ZBTB4: variants seen among roughly 807,000 people sequenced by gnomAD.
ZBTB4 encodes the protein zinc finger and BTB domain containing 4, also known as zinc finger and BTB domain-containing protein 4.
Under a neutral mutation model 59.8 loss-of-function variants are expected in ZBTB4, and 14 were observed. That is an observed-to-expected ratio of 0.23 (90% CI 0.15 to 0.37). The LOEUF (loss-of-function observed/expected upper bound fraction) is 0.37, where lower values mean the gene tolerates loss of function less well. ZBTB4 is among the 10% of genes least tolerant of loss of function. The pLI, the probability that ZBTB4 is intolerant of heterozygous loss-of-function variation, is 1.00. For synonymous variants in ZBTB4, 587 were observed against 575.2 expected (o/e 1.02, Z -0.29); for missense variants, 1,198 against 1,380.8 (o/e 0.87, Z 2.10).
rs376008197 is a variant in ZBTB4 at position 7,462,250 on chromosome 17, C to T, written c.2732G>A (p.Gly911Glu). 3.1e-6 allele frequency: 5 copies of T among 1,613,682 alleles called. No homozygotes were observed. The highest frequency in any genetic ancestry group is 2.5e-6 in the Non-Finnish European group (3 of 1,179,828). Residue 911 changes from glycine (G) to glutamate (E), a missense_variant, in exon 4 of 4, where the codon GGG becomes GAG. By Grantham distance (98) the Gly-to-Glu change is moderately conservative (BLOSUM62 -2). Coordinates refer to ENST00000380599, the MANE Select transcript of ZBTB4 (RefSeq NM_001128833.2). The surrounding 1 kb of genome is among the most constrained non-coding windows in gnomAD (Gnocchi z 7.5). ...AGEGDRMEGIGAAKVTFYPEP... is the reference protein window; with the variant it reads ...AGEGDRMEGIEAAKVTFYPEP... ...AGGGTAGAAAGTGACTTTGGCAGCC[C>T]CTATCCCCTCCATCCGGTCCCCCTC...
upstream of ZBTB4, chr17:7,483,027 G>A (rs775413735): frequency 1.2e-6 from 2 of 1,611,918 alleles, no homozygotes; most frequent in South Asian, 2.2e-5. Context: ...CCCGGGGGTT[G>A]GGAGGGACAG....
In ZBTB4 at chr17:7,462,639, G is replaced by A; in HGVS notation, c.2343C>T (p.Ser781=). The A allele has an allele frequency of 6.2e-7, 1 of 1,607,756 alleles. No individual in the cohort carries two copies. The highest frequency in any genetic ancestry group is 8.5e-7 in the Non-Finnish European group (1 of 1,177,826). Residue 781 remains serine (S), a synonymous_variant, in exon 4 of 4, where the codon AGC becomes AGT. Coordinates refer to ENST00000380599, the MANE Select transcript of ZBTB4 (RefSeq NM_001128833.2). This position sits in a 1 kb window ranked among gnomAD's most constrained non-coding sequence, Gnocchi z 7.5. ...CAGCAGCATGCCTCTGCCCGTGGCG[G>A]CTCAGGGCAGCTGCGGTCTTGCACA... The part of the protein sequence containing the change: ...AKVCKTAAAL[S]RHGQRHAAER...
chr17:7,463,236 C>T lies in ZBTB4; in HGVS notation c.1746G>A (p.Gly582=), dbSNP rs1481598604. 1 of 1,611,228 alleles carries T rather than the reference C, an allele frequency of 6.2e-7. No individual in the cohort carries two copies. Among genetic ancestry groups the T allele is most frequent in the East Asian group, 2.2e-5 (1 of 44,814 alleles). Residue 582 remains glycine, a synonymous_variant, in exon 4 of 4, where the codon GGG becomes GGA. Transcript: ENST00000380599. ...AKPVGGIGGG[G]GPPTGAGRGP... Reference sequence around the variant, plus strand: ...CCCGGCCAGCCCCTGTGGGGGGACCCCCACCTCCACCAATCCCGCCCACTG... The same window carrying T: ...CCCGGCCAGCCCCTGTGGGGGGACCTCCACCTCCACCAATCCCGCCCACTG...
intron 1 of ZBTB4, among the ~76,000 whole-genome samples, chr17:7,477,507 C>T (rs557221041): frequency 1.8e-4 from 28 of 152,314 alleles, no homozygotes; most frequent in Non-Finnish European, 3.2e-4. Context: ...CCTTCCCCCA[C>T]GTACACACAT....
chr17:7,465,269 C>T (rs754746016), intron 3 of ZBTB4, among the ~76,000 whole-genome samples: 4 of 151,220 alleles, frequency 2.6e-5, no homozygotes, highest in South Asian at 2.1e-4. Context: ...CCATCCTGAC[C>T]AACATGATGA....
upstream of ZBTB4, among the ~76,000 whole-genome samples, chr17:7,479,877 G>A (rs2070321949): frequency 6.6e-6 from 1 of 151,780 alleles, no homozygotes; most frequent in South Asian, 2.1e-4. Flanking sequence ...AGGGGCGCAA[G>A]ACCACCGACC....
At chr17:7,476,839 C>T (rs1036297176) in intron 1 of ZBTB4, among the ~76,000 whole-genome samples, 1 of 152,192 alleles carries the variant, frequency 6.6e-6, no homozygotes, top group Non-Finnish European at 1.5e-5. Flanking sequence ...TCTGCAGCAA[C>T]TGGGGAGAAG....
upstream of ZBTB4, chr17:7,481,278 T>G: frequency 1.4e-4 from 58 of 424,904 alleles, no homozygotes; most frequent in Non-Finnish European, 1.8e-4. Context: ...TGCAGTGAGA[T>G]GAGATCACAC....
At chr17:7,476,390 A>G (rs975273731) in intron 1 of ZBTB4, among the ~76,000 whole-genome samples, 2 of 152,186 alleles carry the variant, frequency 1.3e-5, no homozygotes, top group African/African-American at 4.8e-5. Flanking sequence ...GCAGATACCC[A>G]TAGTCCCAGC....
At chr17:7,481,310 A>T (rs975498750), upstream of ZBTB4, 3 of 760,502 alleles carry the variant, frequency 3.9e-6, no homozygotes, top group African/African-American at 1.8e-5. Flanking sequence ...AGCCTGGATA[A>T]CAAGAGTGGA....
rs1253637925 is a variant in ZBTB4 at position 7,466,182 on chromosome 17, G to A, written c.620C>T (p.Pro207Leu). 10 of 1,613,248 alleles carry A rather than the reference G, an allele frequency of 6.2e-6. No homozygotes were observed. Among genetic ancestry groups the A allele is most frequent in the South Asian group, 1.1e-5 (1 of 91,066 alleles). Reference sequence around the variant, plus strand: ...ACCCTCCCACTCCCCAGCTGGCCTGGGCCCGGGCCCAAAGCTGTCCTCTTC... The same window carrying A: ...ACCCTCCCACTCCCCAGCTGGCCTGAGCCCGGGCCCAAAGCTGTCCTCTTC... ...QPEEDSFGPG[P>L]RPAGEWEGDR... The change falls in exon 3 of 4, where the codon CCC becomes CTC. Residue 207 changes from proline (P) to leucine (L), a missense_variant. Pro to Leu is a moderately conservative substitution (Grantham distance 98). This residue lies in a region of ZBTB4 where 204 missense variants were observed against 205.5 expected (regional missense o/e 0.99). Coordinates refer to ENST00000380599, the MANE Select transcript of ZBTB4 (RefSeq NM_001128833.2). This position sits in a 1 kb window ranked among gnomAD's most constrained non-coding sequence, Gnocchi z 9.1.
chr17:7,470,223 C>A (rs2070181335), intron 1 of ZBTB4, among the ~76,000 whole-genome samples: 1 of 151,718 alleles, frequency 6.6e-6, no homozygotes, highest in African/African-American at 2.4e-5. Flanking sequence ...GATGGAGAAA[C>A]CTGGTCTCTA....
chr17:7,463,029 A>C lies in ZBTB4; in HGVS notation c.1953T>G (p.Asp651Glu), dbSNP rs78260319. Residue 651 changes from aspartate (D) to glutamate (E), a missense_variant, in exon 4 of 4, where the codon GAT becomes GAG. Asp to Glu is a conservative substitution (Grantham distance 45, BLOSUM62 2). Around this residue, in one of 9 missense-constraint regions of ZBTB4, gnomAD observed 550 missense variants for 541.8 expected, o/e 1.02. Coordinates refer to ENST00000380599, the MANE Select transcript of ZBTB4 (RefSeq NM_001128833.2). ...EEEDEEEEEE[D>E]EEESKAGGED... ...CCCCACCAGCCTTTGATTCCTCCTCATCCTCCTCCTCCTCCTCTTCGTCCT... is the reference window on the plus strand; with the variant it reads ...CCCCACCAGCCTTTGATTCCTCCTCCTCCTCCTCCTCCTCCTCTTCGTCCT... 77,882 of 1,608,494 alleles carry C rather than the reference A, an allele frequency of 0.048. 3,756 individuals carry two copies. The highest frequency in any genetic ancestry group is 0.27 in the Admixed American group (16,213 of 59,360).
chr17:7,469,737 A>T (rs2070174271), intron 1 of ZBTB4, among the ~76,000 whole-genome samples: 2 of 149,564 alleles, frequency 1.3e-5, no homozygotes, highest in Non-Finnish European at 1.5e-5. Flanking sequence ...ATGGAGATCA[A>T]TCCAGGCTGG....
intron 1 of ZBTB4, among the ~76,000 whole-genome samples, chr17:7,471,040 G>A (rs1236349377): frequency 6.6e-6 from 1 of 152,172 alleles, no homozygotes; most frequent in Non-Finnish European, 1.5e-5. Context: ...GGTGGGCTAT[G>A]CATGTGTGAC....
Position 7,465,028 on chromosome 17 carries a change from C to A in ZBTB4, c.1091+683G>T, listed in dbSNP as rs534354795. ...AAAATTAGCCGGGCGTGATGGCGGGCGCCTGTAGTCCCAGCTACTCGGGAG... is the reference window on the plus strand; with the variant it reads ...AAAATTAGCCGGGCGTGATGGCGGGAGCCTGTAGTCCCAGCTACTCGGGAG... On this transcript the variant is annotated intron_variant, in intron 3 of 3. Coordinates refer to ENST00000380599, the MANE Select transcript of ZBTB4 (RefSeq NM_001128833.2). 6.8e-4 allele frequency among the ~76,000 whole-genome samples: 103 copies of A among 150,744 alleles called. 1 individual carries two copies. The highest frequency in any genetic ancestry group is 7.4e-5 in the Non-Finnish European group (5 of 67,718).
At chr17:7,475,011 CAAAAAAAAAAA>C (rs56936340) in intron 1 of ZBTB4, among the ~76,000 whole-genome samples, 9 of 37,482 alleles carry the variant, frequency 2.4e-4, no homozygotes, top group Non-Finnish European at 4.7e-4. Context: ...GACTCTGCCT[CAAAAAAAAAAA>C]AAAAAAAAAA....
upstream of ZBTB4, chr17:7,482,039 C>T: frequency 6.2e-7 from 1 of 1,612,844 alleles, no homozygotes; most frequent in Non-Finnish European, 8.5e-7. Context: ...CCCATCGCCG[C>T]CCTCCGCTCC....
Position 7,463,389 on chromosome 17 carries a change from G to A in ZBTB4, c.1593C>T (p.Ala531=), listed in dbSNP as rs2070063147. The change falls in exon 4 of 4, where the codon GCC becomes GCT. Residue 531 remains alanine, a synonymous_variant. Coordinates refer to ENST00000380599, the MANE Select transcript of ZBTB4 (RefSeq NM_001128833.2). ...EYPPPPPEPA[A]TPTSPATAVS... ...CTGCTGTGGCTGGGCTGGTGGGTGT[G>A]GCTGCAGGCTCAGGGGGAGGAGGTG... The A allele has an allele frequency of 1.3e-6, 2 of 1,595,712 alleles. No individual in the cohort carries two copies.
Sources: allele counts gnomAD v4.1 joint callset (sites outside exome capture counted in the v4.1 genomes callset), GRCh38; gene constraint gnomAD v4.1.1; regional missense constraint gnomAD v4.1.1; non-coding constraint Gnocchi (gnomAD v3.1); transcripts MANE v1.5; gene names NCBI Gene and HGNC (gene_info 2026-07-23, HGNC 2026-07-21).